FMO4: variants seen among roughly 807,000 people sequenced by gnomAD.
FMO4 encodes the protein flavin containing dimethylaniline monoxygenase 4.
FMO4 carries 38 observed loss-of-function variants against 43.3 expected under a neutral mutation model. The observed-to-expected ratio is 0.88, with a 90% CI of 0.68 to 1.15. FMO4 has a LOEUF of 1.15. Among genes scored for constraint, FMO4 ranks in the 50% most tolerant of loss-of-function variants. The pLI is 0.00. For synonymous variants in FMO4, 224 were observed against 232.2 expected (o/e 0.96, Z 0.32); for missense variants, 631 against 663.3 (o/e 0.95, Z 0.54).
chr1:171,320,078 A>G (rs933161961), intron 3 of FMO4, 121 bp downstream of exon 3: 69 of 1,038,024 alleles, frequency 6.6e-5, no homozygotes, highest in Non-Finnish European at 9.9e-5. Context: ...CGGCACAAAC[A>G]AGTGCATAAT....
At chr1:171,321,275 A>G (rs976621608) in intron 3 of FMO4, among the ~76,000 whole-genome samples, 3 of 152,336 alleles carry the variant, frequency 2.0e-5, no homozygotes, top group Admixed American at 6.5e-5. Context: ...ATACTCACAA[A>G]TTAGTACTAT....
In FMO4 at chr1:171,332,799, T is replaced by C. The variant is rs532183323; in HGVS notation, c.718T>C (p.Cys240Arg). 1 of 1,613,470 alleles carries C rather than the reference T, an allele frequency of 6.2e-7. No homozygotes were observed. Among genetic ancestry groups the C allele is most frequent in the Non-Finnish European group, 8.5e-7 (1 of 1,179,480 alleles). The change falls in exon 7 of 10, where the codon TGT (cysteine) becomes CGT (arginine). Residue 240 changes from cysteine (C) to arginine (R), a missense_variant. Coordinates refer to ENST00000367749, the MANE Select transcript of FMO4 (RefSeq NM_002022.3). The stretch of plus-strand genomic sequence containing the variant: ...TAATATGATGGTTACAAGAAGATGC[T>C]GTAGTTTTATTGCACAAGTTCTGCC... ...PYNMMVTRRC[C>R]SFIAQVLPSR...
At chr1:171,338,069 T>A (rs1663194838) in intron 9 of FMO4, among the ~76,000 whole-genome samples, 1 of 152,090 alleles carries the variant, frequency 6.6e-6, no homozygotes, top group Non-Finnish European at 1.5e-5. Context: ...CTGAAACTTT[T>A]CCCCATCTCA....
chr1:171,331,923 A>C, intron 6 of FMO4, 141 bp downstream of exon 6: 1 of 767,180 alleles, frequency 1.3e-6, no homozygotes, highest in Non-Finnish European at 2.1e-6. Flanking sequence ...AAAACATTGA[A>C]AATCTTTAAA....
chr1:171,328,645 G>T (rs1282469705), intron 5 of FMO4, among the ~76,000 whole-genome samples: 5 of 147,232 alleles, frequency 3.4e-5, no homozygotes, highest in Admixed American at 3.3e-4. Context: ...GCAAGACCCT[G>T]TCTCAAAAAA....
At chr1:171,334,214 A>G (rs941209283) in intron 7 of FMO4, among the ~76,000 whole-genome samples, 197 bp from the exon 8 acceptor site, 1 of 152,200 alleles carries the variant, frequency 6.6e-6, no homozygotes, top group Non-Finnish European at 1.5e-5. Flanking sequence ...GTCATTTTCC[A>G]TATACCTTCT....
chr1:171,329,403 T>A (rs1309153106), intron 5 of FMO4, among the ~76,000 whole-genome samples: 1 of 152,178 alleles, frequency 6.6e-6, no homozygotes, highest in Non-Finnish European at 1.5e-5. Context: ...CCACACAGAC[T>A]ATCTGTTAGG....
chr1:171,331,903 G>GT, intron 6 of FMO4, 121 bp downstream of exon 6: 1 of 763,716 alleles, frequency 1.3e-6, no homozygotes, highest in Non-Finnish European at 2.1e-6. Context: ...ACAGTAAGTG[G>GT]GAAAAAAAAA....
At chr1:171,330,703 T>C (rs1662866997) in intron 5 of FMO4, among the ~76,000 whole-genome samples, 1 of 152,156 alleles carries the variant, frequency 6.6e-6, no homozygotes, top group Non-Finnish European at 1.5e-5. Flanking sequence ...GTCCCTCCCA[T>C]GACACGTGAG....
intron 3 of FMO4, 122 bp downstream of exon 3, chr1:171,320,079 A>C: frequency 9.8e-7 from 1 of 1,021,894 alleles, no homozygotes; most frequent in Non-Finnish European, 1.5e-6. Context: ...GGCACAAACA[A>C]GTGCATAATG....
At chr1:171,317,823 G>A (rs138820313) in intron 2 of FMO4, among the ~76,000 whole-genome samples, 12 of 152,238 alleles carry the variant, frequency 7.9e-5, no homozygotes, top group Non-Finnish European at 1.2e-4. Context: ...AGGCATGACC[G>A]TGACCAGCTA....
chr1:171,319,811 C>T lies in FMO4; in HGVS notation c.-8-7C>T, dbSNP rs757429483. 2 of 1,613,044 alleles carry T rather than the reference C, an allele frequency of 1.2e-6. No homozygotes were observed. The highest frequency in any genetic ancestry group is 2.2e-5 in the South Asian group (2 of 90,910). The stretch of plus-strand genomic sequence containing the variant: ...TAAAGAAGTTCTGCTTGACTTTCCT[C>T]TAACAGAGCATACCATGGCCAAGAA... On this transcript the variant is annotated splice_polypyrimidine_tract_variant and splice_region_variant and intron_variant, in intron 2 of 9. Transcript: ENST00000367749.
chr1:171,315,935 A>G (rs758050916), intron 1 of FMO4, among the ~76,000 whole-genome samples: 4 of 152,156 alleles, frequency 2.6e-5, no homozygotes, highest in Non-Finnish European at 4.4e-5. Flanking sequence ...ACAAGGTAGT[A>G]TCAGCCTCTC....
intron 7 of FMO4, 72 bp from the exon 8 acceptor site, chr1:171,334,339 G>A (rs1663020877): frequency 1.1e-6 from 1 of 945,622 alleles, no homozygotes; most frequent in Non-Finnish European, 1.6e-6. Context: ...CCCTGAATTG[G>A]CTAAGTAAAT....
At chr1:171,328,928 A>AC (rs902537471) in intron 5 of FMO4, among the ~76,000 whole-genome samples, 2 of 151,944 alleles carry the variant, frequency 1.3e-5, no homozygotes, top group African/African-American at 4.8e-5. Context: ...CAAAAACAAA[A>AC]AAAAATCTCA....
intron 1 of FMO4, among the ~76,000 whole-genome samples, chr1:171,315,186 G>A (rs1311922799): frequency 1.3e-5 from 2 of 152,194 alleles, no homozygotes; most frequent in African/African-American, 4.8e-5. Flanking sequence ...CAGCTACTCA[G>A]GAGGCTGAGG....
Position 171,341,906 on chromosome 1 carries a change from C to G in FMO4, c.*67C>G, listed in dbSNP as rs1663393717. On this transcript the variant is annotated 3_prime_UTR_variant, in exon 10 of 10. Transcript: ENST00000367749. ...ATCTCCAAGTATCTTGTGCATCCCT[C>G]CTCTGCTCTCCATCATAACTGCTAT... 1.6e-6 allele frequency: 2 copies of G among 1,280,280 alleles called. No individual in the cohort carries two copies. The highest frequency in any genetic ancestry group is 2.2e-6 in the Non-Finnish European group (2 of 921,756). 79.3% of individuals were successfully genotyped at this position (1,280,280 alleles called of 1,614,324 possible). A position where few individuals can be genotyped will look rare whatever the true frequency, so the allele number is the denominator to read the frequency against.
intron 7 of FMO4, among the ~76,000 whole-genome samples, chr1:171,333,853 C>T (rs1256739273): frequency 6.6e-6 from 1 of 152,014 alleles, no homozygotes; most frequent in Non-Finnish European, 1.5e-5. Context: ...TGGAGTCTCA[C>T]TCTGTTGCCC....
chr1:171,341,308 C>T, intron 9 of FMO4, 105 bp from the exon 10 acceptor site: 1 of 803,696 alleles, frequency 1.2e-6, no homozygotes, highest in African/African-American at 1.7e-5. Context: ...TTTGATTTCC[C>T]CCAAAAAATG....
Sources: allele counts gnomAD v4.1 joint callset (sites outside exome capture counted in the v4.1 genomes callset), GRCh38; gene constraint gnomAD v4.1.1; transcripts MANE v1.5; gene names NCBI Gene and HGNC (gene_info 2026-07-23, HGNC 2026-07-21).